Variants in HIBADH observed in about 807,000 individuals in gnomAD.
The protein encoded by HIBADH is 3-hydroxyisobutyrate dehydrogenase.
HIBADH carries 25 observed loss-of-function variants against 36.1 expected under a neutral mutation model. The ratio of observed to expected loss-of-function variants is 0.69; its 90% CI spans 0.50 to 0.97. The LOEUF is 0.97. HIBADH is among the 50% of genes least tolerant of loss of function. The probability of loss-of-function intolerance (pLI) is 0.00; values close to 1 mark genes in which losing one functional copy is unlikely to be tolerated. For missense variants in HIBADH, 421 were observed against 418.0 expected, an observed-to-expected ratio of 1.01 and a Z score of -0.06; for synonymous variants, 160 against 149.5, an observed-to-expected ratio of 1.07 and a Z score of -0.51.
rs186385914 is a variant in HIBADH, at chr7:27,632,923, G to T, written c.253-478C>A. Among the ~76,000 whole-genome samples the T allele has an allele frequency of 5.9e-5, 9 of 151,712 alleles. No homozygotes were observed. In the East Asian group the frequency reaches 1.7e-3, roughly 29 times the overall value. On this transcript the variant is annotated intron_variant, in intron 2 of 7. Coordinates refer to ENST00000265395, the MANE Select transcript of HIBADH (RefSeq NM_152740.4). ...CCCAGTCCCCACCATCCTCCAGTCT[G>T]TATTTTCAAGCAAAAAAAAAAGAAG...
chr7:27,615,206 G>A (rs1021705489), intron 4 of HIBADH, among the ~76,000 whole-genome samples: 1 of 152,116 alleles, frequency 6.6e-6, no homozygotes, highest in African/African-American at 2.4e-5. Flanking sequence ...TGATAACTAT[G>A]ACTGCTATGA....
At chr7:27,553,549 TGAG>T (rs1257306006) in intron 4 of HIBADH, among the ~76,000 whole-genome samples, 2 of 152,180 alleles carry the variant, frequency 1.3e-5, no homozygotes, top group Non-Finnish European at 1.5e-5. Context: ...CTGGCTGGCT[TGAG>T]GAGGACTGAT....
chr7:27,590,256 A>T (rs1181264262), intron 4 of HIBADH, among the ~76,000 whole-genome samples: 2 of 152,162 alleles, frequency 1.3e-5, no homozygotes, highest in Admixed American at 6.5e-5. Flanking sequence ...AAAAGTTGAG[A>T]CTCAGAAAAG....
At chr7:27,583,542 CATTA>C (rs1784821073) in intron 4 of HIBADH, among the ~76,000 whole-genome samples, 1 of 152,090 alleles carries the variant, frequency 6.6e-6, no homozygotes, top group African/African-American at 2.4e-5. Flanking sequence ...CTTTTTGTGA[CATTA>C]ATTCATGTAT....
At chr7:27,536,087 T>C (rs997549062) in intron 6 of HIBADH, among the ~76,000 whole-genome samples, 2 of 152,198 alleles carry the variant, frequency 1.3e-5, no homozygotes, top group Non-Finnish European at 2.9e-5. Context: ...TGCTTGCTGA[T>C]GCCAATTTTC....
intron 4 of HIBADH, among the ~76,000 whole-genome samples, chr7:27,601,379 A>G (rs1159694041): frequency 1.3e-5 from 2 of 152,268 alleles, no homozygotes; most frequent in East Asian, 3.9e-4. Context: ...TGATAATTGC[A>G]ATGCCTAATT....
At position 27,526,384 on chromosome 7, in the gene HIBADH, A is replaced by G; in HGVS notation, c.853-12T>C. The G allele has an allele frequency of 6.2e-7, 1 of 1,605,368 alleles. No homozygotes were observed. The highest frequency in any genetic ancestry group is 1.1e-5 in the South Asian group (1 of 89,302). ...GCCAATCCCAGATCCTAAATCAAAC[A>G]GGAGGAGAGAACACGCTGAGACTGG... is the stretch of plus-strand genomic sequence containing the variant. On this transcript the variant is annotated splice_polypyrimidine_tract_variant and intron_variant, in intron 7 of 7. Coordinates refer to ENST00000265395, the MANE Select transcript of HIBADH (RefSeq NM_152740.4).
At chr7:27,597,545 C>T (rs1346687391) in intron 4 of HIBADH, among the ~76,000 whole-genome samples, 1 of 151,864 alleles carries the variant, frequency 6.6e-6, no homozygotes, top group Non-Finnish European at 1.5e-5. Flanking sequence ...CTATAAGAGG[C>T]ACTACCAGAA....
rs66518612 is a variant in HIBADH at position 27,613,665 on chromosome 7, G to GT, written c.484+15705dup. ...TTTGTTGTTGTTGTGGGTTTTTTTT[G>GT]TTTTTTTTTTTTGAGACAGGTCTCA... is the stretch of plus-strand genomic sequence containing the variant. On this transcript the variant is annotated intron_variant, in intron 4 of 7. Coordinates refer to ENST00000265395, the MANE Select transcript of HIBADH (RefSeq NM_152740.4). 5.6e-4 allele frequency among the ~76,000 whole-genome samples: 60 copies of GT among 107,062 alleles called. 1 individual carries two copies. The highest frequency in any genetic ancestry group is 4.5e-3 in the South Asian group (13 of 2,910). 70.2% of individuals were successfully genotyped at this position (107,062 alleles called of 152,430 possible).
intron 4 of HIBADH, among the ~76,000 whole-genome samples, chr7:27,575,199 G>GACTT (rs1317400570): frequency 1.3e-5 from 2 of 152,094 alleles, no homozygotes; most frequent in Non-Finnish European, 2.9e-5. Flanking sequence ...AGAATCTCTG[G>GACTT]ACTTACAGTG....
At position 27,580,057 on chromosome 7, in the gene HIBADH, T is replaced by C. The variant is rs569065304; in HGVS notation, c.485-36957A>G. On this transcript the variant is annotated intron_variant, in intron 4 of 7. Transcript: ENST00000265395. ...AATTAGGATTAAGGGAAAAGAGATA[T>C]AGAACTAAATTAAAATACATGTGGC... 8.5e-4 allele frequency among the ~76,000 whole-genome samples: 129 copies of C among 152,306 alleles called. 2 individuals are homozygous for C. Among genetic ancestry groups the C allele is most frequent in the African/African-American group, 2.7e-3 (111 of 41,578 alleles).
At chr7:27,595,458 C>T (rs551045515) in intron 4 of HIBADH, among the ~76,000 whole-genome samples, 150 of 152,174 alleles carry the variant, frequency 9.9e-4, no homozygotes, top group Non-Finnish European at 1.1e-3. Flanking sequence ...GCAGAGGTTG[C>T]AGTGAGCCTA....
chr7:27,637,860 A>G (rs1298814146), intron 2 of HIBADH, among the ~76,000 whole-genome samples: 1 of 152,198 alleles, frequency 6.6e-6, no homozygotes, highest in African/African-American at 2.4e-5. Flanking sequence ...AGAATAAAAT[A>G]CAGGAATACA....
At chr7:27,596,098 T>C (rs912527531) in intron 4 of HIBADH, among the ~76,000 whole-genome samples, 4 of 152,174 alleles carry the variant, frequency 2.6e-5, no homozygotes, top group African/African-American at 7.2e-5. Flanking sequence ...AGAAAAGTAT[T>C]TCTCACATTT....
At chr7:27,613,812 C>A (rs539744905) in intron 4 of HIBADH, among the ~76,000 whole-genome samples, 1 of 152,102 alleles carries the variant, frequency 6.6e-6, no homozygotes, top group East Asian at 1.9e-4. Flanking sequence ...GTACACGCCA[C>A]CATGCCCGGC....
chr7:27,619,463 AT>A lies in HIBADH; in HGVS notation c.484+9907del, dbSNP rs764619465. Among the ~76,000 whole-genome samples the A allele has an allele frequency of 7.2e-5, 11 of 152,362 alleles. No individual in the cohort carries two copies. In the East Asian group the frequency reaches 1.5e-3, roughly 21 times the overall value. On this transcript the variant is annotated intron_variant, in intron 4 of 7. Coordinates refer to ENST00000265395, the MANE Select transcript of HIBADH (RefSeq NM_152740.4). ...AACAATTCTACAACAATATATTTTA[AT>A]TTTTAAAAATCTTCAAAATTCCAGA...
At chr7:27,586,098 G>GT (rs142589344) in intron 4 of HIBADH, among the ~76,000 whole-genome samples, 6 of 152,156 alleles carry the variant, frequency 3.9e-5, no homozygotes, top group Admixed American at 1.3e-4. Context: ...CTTTAAAAAT[G>GT]TTTTTTCCCT....
At position 27,659,365 on chromosome 7, in the gene HIBADH, T is replaced by C. The variant is rs1786370767; in HGVS notation, c.91+3333A>G. Among the ~76,000 whole-genome samples, 5 of 152,340 alleles carry C rather than the reference T, an allele frequency of 3.3e-5. 1 individual carries two copies. The South Asian group carries it at 8.3e-4, about 25-fold the overall frequency. On this transcript the variant is annotated intron_variant, in intron 1 of 7. Coordinates refer to ENST00000265395, the MANE Select transcript of HIBADH (RefSeq NM_152740.4). Reference sequence around the variant, plus strand: ...TATCAAACAGGTGATGAAATAGTAATACATGTACACTTTAACATTTCTCAT... The same window carrying C: ...TATCAAACAGGTGATGAAATAGTAACACATGTACACTTTAACATTTCTCAT...
At chr7:27,660,861 C>T (rs1273415786) in intron 1 of HIBADH, among the ~76,000 whole-genome samples, 2 of 152,172 alleles carry the variant, frequency 1.3e-5, no homozygotes, top group African/African-American at 2.4e-5. Context: ...TTTACAGAGG[C>T]ACGTATTACA....
Sources: gnomAD v4.1 joint callset for allele counts (sites outside exome capture counted in the v4.1 genomes callset) on GRCh38, gnomAD v4.1.1 for gene constraint, MANE v1.5 for transcripts, NCBI Gene and HGNC (gene_info 2026-07-23, HGNC 2026-07-21) for gene names.